Variants in PLD5 observed in about 807,000 individuals in gnomAD.
PLD5 encodes inactive phospholipase D5.
In PLD5, 36 loss-of-function variants were observed where a neutral mutation model predicts 61.1. The observed-to-expected ratio is 0.59, with a 90% confidence interval of 0.45 to 0.78. PLD5 has a LOEUF of 0.78. PLD5 is among the 30% of genes least tolerant of loss of function. The pLI, the probability that PLD5 is intolerant of heterozygous loss-of-function variation, is 0.00. For synonymous variants in PLD5, 243 were observed against 242.8 expected (o/e 1.00, Z -0.01); for missense variants, 515 against 644.4 (o/e 0.80, Z 2.17).
At chr1:242,291,533 G>A (rs957815791) in intron 2 of PLD5, among the ~76,000 whole-genome samples, 2 of 152,128 alleles carry the variant, frequency 1.3e-5, no homozygotes, top group Non-Finnish European at 2.9e-5. Context: ...CGGGCCAGGT[G>A]CGGTGGCTCA....
chr1:242,150,269 A>G (rs1664838167), intron 5 of PLD5, among the ~76,000 whole-genome samples: 2 of 151,810 alleles, frequency 1.3e-5, no homozygotes, highest in South Asian at 4.1e-4. Context: ...CTTAAATATA[A>G]TATCTGTTGT....
intron 6 of PLD5, among the ~76,000 whole-genome samples, chr1:242,122,421 T>C (rs1404362462): frequency 6.6e-6 from 1 of 152,174 alleles, no homozygotes; most frequent in Non-Finnish European, 1.5e-5. Context: ...AATTCATCTA[T>C]TTTTTGCTAT....
chr1:242,134,802 A>G (rs1263427608), intron 5 of PLD5, among the ~76,000 whole-genome samples: 1 of 152,186 alleles, frequency 6.6e-6, no homozygotes, highest in South Asian at 2.1e-4. Context: ...TTTGAAAGGA[A>G]ACCTGACATC....
chr1:242,401,096 C>T (rs1297208616), intron 1 of PLD5, among the ~76,000 whole-genome samples: 1 of 152,142 alleles, frequency 6.6e-6, no homozygotes, highest in Admixed American at 6.5e-5. Flanking sequence ...TCTGTTCTTC[C>T]TCCCATTGTC....
intron 1 of PLD5, among the ~76,000 whole-genome samples, chr1:242,470,299 A>G (rs192991820): frequency 7.3e-4 from 110 of 151,474 alleles, no homozygotes; most frequent in East Asian, 2.9e-3. Flanking sequence ...CCGAGATCGC[A>G]CCACTGCACT....
rs1675723824 is a variant in PLD5 at position 242,297,320 on chromosome 1, G to A, written c.327-8790C>T. 2.4e-5 allele frequency among the ~76,000 whole-genome samples: 3 copies of A among 123,770 alleles called. No homozygotes were observed. The South Asian group carries it at 8.9e-4, about 37-fold the overall frequency. 81.2% of individuals were successfully genotyped at this position (123,770 alleles called of 152,430 possible). A position where few individuals can be genotyped will look rare whatever the true frequency, so the allele number is the denominator to read the frequency against. ...GAGCGTGACACTGCACTCCAGCCCG[G>A]GTGACAGAGTGAGACTCCTTCTCAA... On this transcript the variant is annotated intron_variant, in intron 2 of 9. Coordinates refer to ENST00000536534, the MANE Select transcript of PLD5 (RefSeq NM_001372062.1).
intron 2 of PLD5, among the ~76,000 whole-genome samples, chr1:242,298,605 G>A (rs1675851903): frequency 6.6e-6 from 1 of 152,212 alleles, no homozygotes; most frequent in Admixed American, 6.5e-5. Context: ...GAGGAACTAA[G>A]CAGAGTGATT....
At chr1:242,374,031 G>A (rs761573698) in intron 1 of PLD5, among the ~76,000 whole-genome samples, 20 of 151,940 alleles carry the variant, frequency 1.3e-4, no homozygotes, top group Non-Finnish European at 1.9e-4. Flanking sequence ...TTCTCTGGTC[G>A]CTGTTCATAC....
At chr1:242,419,670 C>T (rs2149297407) in intron 1 of PLD5, among the ~76,000 whole-genome samples, 1 of 150,696 alleles carries the variant, frequency 6.6e-6, no homozygotes, top group East Asian at 2.0e-4. Context: ...GCCTCGGCCT[C>T]CCGAAGTGCT....
At chr1:242,213,858 T>TG (rs1193900694) in intron 5 of PLD5, among the ~76,000 whole-genome samples, 8 of 148,074 alleles carry the variant, frequency 5.4e-5, no homozygotes, top group African/African-American at 2.0e-4. Flanking sequence ...CTTTCTAGAA[T>TG]GGGTTTTTTT....
chr1:242,241,107 G>A (rs1357827371), intron 4 of PLD5, among the ~76,000 whole-genome samples: 1 of 152,156 alleles, frequency 6.6e-6, no homozygotes, highest in African/African-American at 2.4e-5. Flanking sequence ...AATCAGAGAG[G>A]AGACTCACAA....
intron 2 of PLD5, among the ~76,000 whole-genome samples, chr1:242,342,161 G>C (rs1659871038): frequency 6.6e-6 from 1 of 152,196 alleles, no homozygotes; most frequent in Non-Finnish European, 1.5e-5. Flanking sequence ...GAAGGATGCT[G>C]ACTGGTTCTG....
At chr1:242,329,185 A>G (rs1250881696) in intron 2 of PLD5, among the ~76,000 whole-genome samples, 3 of 151,856 alleles carry the variant, frequency 2.0e-5, no homozygotes, top group African/African-American at 7.3e-5. Flanking sequence ...TAATTTTTAT[A>G]TTTTTAGTAG....
At chr1:242,160,457 A>G (rs560675508) in intron 5 of PLD5, among the ~76,000 whole-genome samples, 1 of 152,198 alleles carries the variant, frequency 6.6e-6, no homozygotes, top group Non-Finnish European at 1.5e-5. Context: ...TAACAGGTGC[A>G]TGTTAGAAGG....
At chr1:242,295,001 G>A (rs777565745) in intron 2 of PLD5, among the ~76,000 whole-genome samples, 3 of 152,148 alleles carry the variant, frequency 2.0e-5, no homozygotes, top group Non-Finnish European at 4.4e-5. Flanking sequence ...TCAATGCACC[G>A]ACATTCATTC....
chr1:242,432,448 C>T (rs994859941), intron 1 of PLD5, among the ~76,000 whole-genome samples: 6 of 152,178 alleles, frequency 3.9e-5, no homozygotes, highest in Non-Finnish European at 5.9e-5. Context: ...ATGGGAGGGG[C>T]CTTCATTCAC....
At chr1:242,516,864 A>T (rs1669121151) in intron 1 of PLD5, among the ~76,000 whole-genome samples, 1 of 152,230 alleles carries the variant, frequency 6.6e-6, no homozygotes, top group Non-Finnish European at 1.5e-5. Flanking sequence ...ACTTGTTGAC[A>T]TTTTAATTGG....
At chr1:242,157,684 G>A (rs1665495507) in intron 5 of PLD5, among the ~76,000 whole-genome samples, 1 of 152,162 alleles carries the variant, frequency 6.6e-6, no homozygotes, top group African/African-American at 2.4e-5. Context: ...AGCAAAGATT[G>A]CTGCCTGTTC....
chr1:242,190,241 G>A (rs1433039378), intron 5 of PLD5, among the ~76,000 whole-genome samples: 1 of 148,928 alleles, frequency 6.7e-6, no homozygotes, highest in Non-Finnish European at 1.5e-5. Context: ...TGCCTCCTGG[G>A]TTCACGCCAT....
Sources: gnomAD v4.1 joint callset for allele counts (sites outside exome capture counted in the v4.1 genomes callset) on GRCh38, gnomAD v4.1.1 for gene constraint, MANE v1.5 for transcripts, NCBI Gene and HGNC (gene_info 2026-07-23, HGNC 2026-07-21) for gene names.